Variants in STARD13 observed in about 807,000 individuals in gnomAD.
The protein encoded by STARD13 is StAR related lipid transfer domain containing 13.
In STARD13, 62 loss-of-function variants were observed where a neutral mutation model predicts 106.4. The ratio of observed to expected loss-of-function variants is 0.58; its 90% confidence interval spans 0.48 to 0.72. The LOEUF is 0.72. STARD13 is among the 30% of genes least tolerant of loss of function. The pLI, the probability that STARD13 is intolerant of heterozygous loss-of-function variation, is 0.00. For missense variants in STARD13, 1,387 were observed against 1,424.0 expected (o/e 0.97, Z 0.42); for synonymous variants, 565 against 553.0 (o/e 1.02, Z -0.31).
chr13:33,449,222 T>C, the STARD13 span, among the ~76,000 whole-genome samples: 1 of 152,182 alleles, frequency 6.6e-6, no homozygotes, highest in Non-Finnish European at 1.5e-5. Flanking sequence ...CTTTTAGCAG[T>C]TTTGTAGTTT....
At chr13:33,468,532 G>C in the STARD13 span, among the ~76,000 whole-genome samples, 4 of 152,088 alleles carry the variant, frequency 2.6e-5, no homozygotes, top group African/African-American at 9.7e-5. Context: ...TATCATAGGA[G>C]TGGCTTCCTT....
intron 1 of STARD13, among the ~76,000 whole-genome samples, chr13:33,196,499 C>T (rs1184444175): frequency 6.6e-6 from 1 of 152,138 alleles, no homozygotes; most frequent in Non-Finnish European, 1.5e-5. Context: ...TGCCAGCCTG[C>T]CAGTGGTTTC....
the STARD13 span, among the ~76,000 whole-genome samples, chr13:33,671,485 C>A: frequency 6.6e-6 from 1 of 152,198 alleles, no homozygotes; most frequent in Non-Finnish European, 1.5e-5. Context: ...GTAATCCCAA[C>A]ACTGAGAGGC....
At chr13:33,543,484 GTTC>G in the STARD13 span, among the ~76,000 whole-genome samples, 5 of 150,458 alleles carry the variant, frequency 3.3e-5, no homozygotes, top group Non-Finnish European at 7.4e-5. Context: ...CTTTAATAAT[GTTC>G]TTTTTTTCCT....
At position 33,129,525 on chromosome 13, in the gene STARD13, C is replaced by T. The variant is rs1396760443; in HGVS notation, c.1152G>A (p.Met384Ile). The change falls in exon 5 of 14, where the codon ATG becomes ATA. Residue 384 changes from methionine to isoleucine, a missense_variant. Transcript: ENST00000336934. ...ALPDAGDQSR[M>I]HEFHSQENLV... ...AATTCTCTTGGGAGTGAAATTCATG[C>T]ATACGGCTTTGGTCCCCTGCATCCG... The T allele has an allele frequency of 1.2e-6, 2 of 1,614,238 alleles. No individual in the cohort carries two copies. Among genetic ancestry groups the T allele is most frequent in the East Asian group, 4.5e-5 (2 of 44,880 alleles).
intron 1 of STARD13, among the ~76,000 whole-genome samples, chr13:33,182,879 C>G (rs947481950): frequency 1.3e-5 from 2 of 152,218 alleles, no homozygotes; most frequent in South Asian, 4.1e-4. Flanking sequence ...ACCAGCCCAT[C>G]ACCACGGCCC....
chr13:33,464,037 A>ATATATATATGTATATG, the STARD13 span, among the ~76,000 whole-genome samples: 3 of 141,026 alleles, frequency 2.1e-5, no homozygotes, highest in African/African-American at 7.7e-5. Context: ...ATATATATAT[A>ATATATATATGTATATG]TATATGTATA....
chr13:33,259,220 T>G (rs1417449286), intron 1 of STARD13, among the ~76,000 whole-genome samples: 1 of 152,202 alleles, frequency 6.6e-6, no homozygotes, highest in Non-Finnish European at 1.5e-5. Flanking sequence ...AATGAATAAA[T>G]GCAGGAATGG....
chr13:33,300,875 C>A (rs575730157), intron 1 of STARD13, among the ~76,000 whole-genome samples: 1 of 152,292 alleles, frequency 6.6e-6, no homozygotes, highest in African/African-American at 2.4e-5. Context: ...ATTCTAGGGA[C>A]ACTGGCATTT....
the STARD13 span, among the ~76,000 whole-genome samples, chr13:33,475,180 T>A: frequency 6.6e-6 from 1 of 152,178 alleles, no homozygotes; most frequent in Admixed American, 6.5e-5. Context: ...GGTTTTCATC[T>A]GTAAAATACT....
At chr13:33,660,426 G>A in the STARD13 span, among the ~76,000 whole-genome samples, 2 of 152,220 alleles carry the variant, frequency 1.3e-5, no homozygotes, top group South Asian at 2.1e-4. Context: ...CTTACATTTT[G>A]TCTGACTTGT....
intron 4 of STARD13, among the ~76,000 whole-genome samples, chr13:33,131,160 C>A (rs1197288050): frequency 6.6e-6 from 1 of 152,168 alleles, no homozygotes; most frequent in East Asian, 1.9e-4. Flanking sequence ...AGCCTTGGGC[C>A]CAGCGCAGAC....
chr13:33,419,691 T>C, the STARD13 span, among the ~76,000 whole-genome samples: 1 of 152,110 alleles, frequency 6.6e-6, no homozygotes, highest in African/African-American at 2.4e-5. Context: ...GAAAAAGTGT[T>C]AAAAGCAGCC....
chr13:33,605,306 C>A, the STARD13 span, among the ~76,000 whole-genome samples: 1 of 150,840 alleles, frequency 6.6e-6, no homozygotes, highest in Non-Finnish European at 1.5e-5. Context: ...TGCTCTCAAA[C>A]TCCCGGGCTC....
In STARD13 at chr13:33,177,945, AAGG is replaced by A. The variant is rs1884818787; in HGVS notation, c.170-10326_170-10324del. Among the ~76,000 whole-genome samples the A allele has an allele frequency of 2.1e-3, 20 of 9,694 alleles. 6 individuals carry two copies. Among genetic ancestry groups the A allele is most frequent in the Non-Finnish European group, 3.4e-3 (19 of 5,574 alleles). The allele number at this position is 9,694 out of a possible 152,430, so 6.4% of individuals were successfully genotyped here. ...GAAGGAAGGAAGGAAGGAAGGAAGGAAGGAAGGAAAGGAAGGAAGGAAGGAAGG... is the reference window on the plus strand; with the variant it reads ...GAAGGAAGGAAGGAAGGAAGGAAGGAAAGGAAAGGAAGGAAGGAAGGAAGG... On this transcript the variant is annotated intron_variant, in intron 1 of 13. Transcript: ENST00000336934.
chr13:33,360,924 C>A, the STARD13 span, among the ~76,000 whole-genome samples: 1 of 148,326 alleles, frequency 6.7e-6, no homozygotes, highest in South Asian at 2.2e-4. Context: ...GCCTCCCCAG[C>A]AGCTGGGACT....
the STARD13 span, among the ~76,000 whole-genome samples, chr13:33,555,392 CTGCATTAACTTTTCA>C: frequency 6.6e-6 from 1 of 152,228 alleles, no homozygotes. Context: ...CTCCAACTGT[CTGCATTAACTTTTCA>C]TGAAGTTTTT....
chr13:33,163,435 C>T (rs570377438), intron 3 of STARD13, among the ~76,000 whole-genome samples: 5 of 151,130 alleles, frequency 3.3e-5, no homozygotes, highest in African/African-American at 4.9e-5. Context: ...GCTAAAAATA[C>T]CAAAATTAGC....
Position 33,129,017 on chromosome 13 carries a change from C to T in STARD13, c.1660G>A (p.Asp554Asn). 1 of 1,614,168 alleles carries T rather than the reference C, an allele frequency of 6.2e-7. No homozygotes were observed. The highest frequency in any genetic ancestry group is 8.5e-7 in the Non-Finnish European group (1 of 1,180,038). ...GRTTPSDVER[D>N]VTSLNESEPP... Reference sequence around the variant, plus strand: ...TCAGATTCATTAAGAGATGTTACATCTCTTTCCACATCACTGGGTGTCGTC... The same window carrying T: ...TCAGATTCATTAAGAGATGTTACATTTCTTTCCACATCACTGGGTGTCGTC... The change falls in exon 5 of 14, where the codon GAT becomes AAT. Residue 554 changes from aspartate (D) to asparagine (N), a missense_variant. Physicochemically the swap from Asp to Asn is conservative, Grantham distance 23. Transcript: ENST00000336934.
Sources: gnomAD v4.1 joint callset for allele counts (sites outside exome capture counted in the v4.1 genomes callset) on GRCh38, gnomAD v4.1.1 for gene constraint, MANE v1.5 for transcripts, NCBI Gene and HGNC (gene_info 2026-07-23, HGNC 2026-07-21) for gene names.